TRIM37: variants seen among roughly 807,000 people sequenced by gnomAD.
TRIM37 encodes the protein tripartite motif containing 37.
A neutral mutation model predicts 129.8 loss-of-function variants in TRIM37; 80 were observed. The observed-to-expected ratio is 0.62, with a 90% CI of 0.51 to 0.74. The LOEUF (loss-of-function observed/expected upper bound fraction) is 0.74, where lower values mean the gene tolerates loss of function less well. Ranked by LOEUF, TRIM37 falls within the 30% of genes least tolerant of loss-of-function variation. The pLI is 0.00. For synonymous variants in TRIM37, 389 were observed against 387.1 expected, an observed-to-expected ratio of 1.00 and a Z score of -0.06; for missense variants, 1,054 against 1,176.5, an observed-to-expected ratio of 0.90 and a Z score of 1.52.
intron 9 of TRIM37, among the ~76,000 whole-genome samples, chr17:59,066,162 G>T (rs1391381533): frequency 6.6e-6 from 1 of 152,108 alleles, no homozygotes; most frequent in East Asian, 1.9e-4. Flanking sequence ...ACTCCAATTA[G>T]CAGGACCAAT....
rs756434018 is a variant in TRIM37, at chr17:59,047,795, C to G, written c.1555G>C (p.Asp519His). 1 of 1,614,100 alleles carries G rather than the reference C, an allele frequency of 6.2e-7. No homozygotes were observed. The highest frequency in any genetic ancestry group is 1.3e-5 in the African/African-American group (1 of 75,044). ...YHHELSDGDL[D>H]LDLVYEDEVN... is the part of the protein sequence containing the mutation. ...TCATCCTCATAAACAAGATCCAGAT[C>G]CAGATCTCCATCTGAAAGCTCGTGC... The change falls in exon 16 of 24, where the codon GAT becomes CAT. Residue 519 changes from aspartate (D) to histidine (H), a missense_variant. By Grantham distance (81) the Asp-to-His change is moderately conservative (BLOSUM62 -1). This residue lies in a region of TRIM37 where 752 missense variants were observed against 870.8 expected (regional missense o/e 0.86). Coordinates refer to ENST00000262294, the MANE Select transcript of TRIM37 (RefSeq NM_015294.6).
At chr17:59,087,268 G>T (rs1156734134) in intron 4 of TRIM37, among the ~76,000 whole-genome samples, 1 of 151,804 alleles carries the variant, frequency 6.6e-6, no homozygotes, top group East Asian at 1.9e-4. Flanking sequence ...GCTAATTTTT[G>T]TATTTTTAGT....
chr17:58,973,363 G>C, the TRIM37 span, among the ~76,000 whole-genome samples: 2 of 151,252 alleles, frequency 1.3e-5, no homozygotes, highest in Non-Finnish European at 1.5e-5. Flanking sequence ...GTTGCAGCTA[G>C]TGGAGATCGC....
chr17:59,037,092 G>T (rs1379316703), intron 17 of TRIM37, among the ~76,000 whole-genome samples: 1 of 151,948 alleles, frequency 6.6e-6, no homozygotes, highest in Non-Finnish European at 1.5e-5. Context: ...TCCAGCCTGG[G>T]CAATACAGCA....
rs1415007601 is a variant in TRIM37 at position 59,007,223 on chromosome 17, C to A, written c.2695+5105G>T. Among the ~76,000 whole-genome samples the A allele has an allele frequency of 2.9e-3, 172 of 59,434 alleles. 6 individuals carry two copies. Among genetic ancestry groups the A allele is most frequent in the South Asian group, 6.7e-3 (8 of 1,200 alleles). 39.0% of individuals were successfully genotyped at this position (59,434 alleles called of 152,430 possible). On this transcript the variant is annotated intron_variant, in intron 22 of 23. Transcript: ENST00000262294. ...CACACACACTAAAACCACCCCACCC[C>A]CACCCACCCACACACACACACACGT...
intron 17 of TRIM37, among the ~76,000 whole-genome samples, chr17:59,036,942 A>G (rs1197195493): frequency 2.0e-5 from 3 of 151,818 alleles, no homozygotes; most frequent in East Asian, 2.0e-4. Context: ...GTGAAACCCC[A>G]TCTCTACTAA....
intron 17 of TRIM37, among the ~76,000 whole-genome samples, chr17:59,036,210 C>T (rs1342164000): frequency 6.6e-6 from 1 of 151,940 alleles, no homozygotes; most frequent in Non-Finnish European, 1.5e-5. Flanking sequence ...GAGTTGGAGA[C>T]CAGCCAGGGC....
At chr17:59,038,373 T>A (rs996235448) in intron 17 of TRIM37, among the ~76,000 whole-genome samples, 6 of 152,192 alleles carry the variant, frequency 3.9e-5, no homozygotes, top group African/African-American at 1.4e-4. Flanking sequence ...AGGCATGATA[T>A]TTAACAAATT....
At chr17:59,002,036 TC>T (rs2033847875) in intron 22 of TRIM37, among the ~76,000 whole-genome samples, 1 of 152,184 alleles carries the variant, frequency 6.6e-6, no homozygotes, top group Non-Finnish European at 1.5e-5. Flanking sequence ...TGTTTTTTTT[TC>T]AGTCACAAGA....
At chr17:59,080,447 A>G (rs1217505400) in intron 6 of TRIM37, among the ~76,000 whole-genome samples, 4 of 152,222 alleles carry the variant, frequency 2.6e-5, no homozygotes, top group Admixed American at 2.6e-4. Context: ...GGATCCAAAG[A>G]GTGTATAACT....
chr17:59,056,747 A>AT, intron 13 of TRIM37, 128 bp downstream of exon 13: 1 of 427,110 alleles, frequency 2.3e-6, no homozygotes, highest in Non-Finnish European at 4.1e-6. Context: ...AAAAAAAAAA[A>AT]GGTGATAAGG....
intron 16 of TRIM37, among the ~76,000 whole-genome samples, chr17:59,042,443 AAAAAAAATATAT>A (rs1405308296): frequency 8.2e-4 from 41 of 50,212 alleles, no homozygotes; most frequent in East Asian, 3.6e-3. Context: ...AAAAAAAAAA[AAAAAAAATATAT>A]ATATATATAT....
chr17:59,093,263 G>A (rs1335183648), intron 2 of TRIM37, among the ~76,000 whole-genome samples: 1 of 152,098 alleles, frequency 6.6e-6, no homozygotes, highest in Non-Finnish European at 1.5e-5. Context: ...ATTTGGGTCA[G>A]GTTTCTTCCC....
intron 24 of TRIM37, among the ~76,000 whole-genome samples, chr17:58,991,293 T>C (rs1227709311): frequency 1.3e-5 from 2 of 151,878 alleles, no homozygotes; most frequent in Non-Finnish European, 2.9e-5. Context: ...CCCAGCAATT[T>C]GGGAGGCGAA....
chr17:59,017,531 C>T, intron 19 of TRIM37, 107 bp from the exon 20 acceptor site: 6 of 1,456,090 alleles, frequency 4.1e-6, no homozygotes, highest in East Asian at 2.3e-5. Flanking sequence ...AAGCTGTTCT[C>T]TCTACTGTCT....
chr17:59,049,279 A>G lies in TRIM37; in HGVS notation c.1429T>C (p.Cys477Arg). Residue 477 changes from cysteine (C) to arginine (R), a missense_variant, in exon 15 of 24, where the codon TGC becomes CGC. Cys to Arg is a radical substitution (Grantham distance 180). Around this residue, in one of 3 missense-constraint regions of TRIM37, gnomAD observed 752 missense variants for 870.8 expected, o/e 0.86. Coordinates refer to ENST00000262294, the MANE Select transcript of TRIM37 (RefSeq NM_015294.6). ...CCACCTTCGAGAAGCATGTCAGAGC[A>G]TGCAGACTTCTTAGCTCGTGTCTCC... Reference protein sequence around the residue: ...ALETRAKKSACSDMLLEGGPT... With the variant: ...ALETRAKKSARSDMLLEGGPT... 1 of 1,614,204 alleles carries G rather than the reference A, an allele frequency of 6.2e-7. No individual in the cohort carries two copies. The highest frequency in any genetic ancestry group is 8.5e-7 in the Non-Finnish European group (1 of 1,180,024).
chr17:59,012,593 A>G, intron 21 of TRIM37, 147 bp from the exon 22 acceptor site: 1 of 655,770 alleles, frequency 1.5e-6, no homozygotes, highest in Non-Finnish European at 2.7e-6. Flanking sequence ...ATATTTCACT[A>G]AGGTCCTGGC....
chr17:58,975,939 A>T, the TRIM37 span, among the ~76,000 whole-genome samples: 1,774 of 152,316 alleles, frequency 0.012, 16 homozygotes, highest in Middle Eastern at 0.041. Context: ...GGGAAAACCT[A>T]CTAATCAACA....
chr17:59,025,040 T>G (rs1814187704), intron 19 of TRIM37, among the ~76,000 whole-genome samples: 2 of 152,338 alleles, frequency 1.3e-5, no homozygotes, highest in Admixed American at 6.5e-5. Context: ...CCAAATTGCG[T>G]TTTTGTATGT....
Sources: gnomAD v4.1 joint callset for allele counts (sites outside exome capture counted in the v4.1 genomes callset) on GRCh38, gnomAD v4.1.1 for gene constraint, gnomAD v4.1.1 regional missense constraint, MANE v1.5 for transcripts, NCBI Gene and HGNC (gene_info 2026-07-23, HGNC 2026-07-21) for gene names.